The following SYTL3 variants were observed in gnomAD, a reference collection of about 807,000 sequenced individuals.
SYTL3 encodes synaptotagmin-like protein 3.
Under a neutral mutation model 82.1 loss-of-function variants are expected in SYTL3, and 88 were observed. That is an observed-to-expected ratio of 1.07 (90% CI 0.90 to 1.28). The LOEUF (loss-of-function observed/expected upper bound fraction) is 1.28. SYTL3 is among the 50% of genes most tolerant of loss of function. The probability of loss-of-function intolerance (pLI) is 0.00; values close to 1 mark genes in which losing one functional copy is unlikely to be tolerated. For missense variants in SYTL3, 831 were observed against 757.6 expected (o/e 1.10, Z -1.14); for synonymous variants, 311 against 289.4 (o/e 1.07, Z -0.76).
rs1221674261 is a variant in SYTL3, at chr6:158,725,587, C to T, written c.805C>T (p.Leu269Phe). 1.2e-6 allele frequency: 2 copies of T among 1,614,208 alleles called. No individual in the cohort carries two copies. Among genetic ancestry groups the T allele is most frequent in the Non-Finnish European group, 1.7e-6 (2 of 1,180,028 alleles). Residue 269 changes from leucine to phenylalanine, a missense_variant, in exon 11 of 18, where the codon CTC becomes TTC. Transcript: ENST00000611299. ...STNPILKQQN[L>F]PSSPAPSTIF... ...TAACCCTATTTTGAAGCAACAGAAT[C>T]TCCCATCCAGTCCGGCACCCAGTAC...
chr6:158,752,641 T>C (rs563114920), intron 13 of SYTL3, among the ~76,000 whole-genome samples: 12 of 152,222 alleles, frequency 7.9e-5, no homozygotes, highest in Non-Finnish European at 1.0e-4. Context: ...GTCTGGTATC[T>C]GCAGAGAGCT....
chr6:158,756,155 G>C (rs1789028202), intron 13 of SYTL3, among the ~76,000 whole-genome samples: 1 of 152,262 alleles, frequency 6.6e-6, no homozygotes, highest in African/African-American at 2.4e-5. Flanking sequence ...CCACACCTTG[G>C]GAAGGGCTGG....
At chr6:158,743,386 G>C (rs1482790845) in intron 11 of SYTL3, among the ~76,000 whole-genome samples, 3 of 152,170 alleles carry the variant, frequency 2.0e-5, no homozygotes, top group African/African-American at 7.2e-5. Flanking sequence ...CTTTCTAATT[G>C]TTCTCAGCAG....
chr6:158,704,804 C>G (rs1228594169), intron 6 of SYTL3, among the ~76,000 whole-genome samples: 1 of 152,228 alleles, frequency 6.6e-6, no homozygotes, highest in African/African-American at 2.4e-5. Context: ...GTTGCCACAA[C>G]CAGGGACAGA....
At chr6:158,739,703 C>T (rs1312299226) in intron 11 of SYTL3, among the ~76,000 whole-genome samples, 1 of 152,148 alleles carries the variant, frequency 6.6e-6, no homozygotes, top group Non-Finnish European at 1.5e-5. Context: ...TTAGCAGGAG[C>T]ACCCACTCAC....
At chr6:158,734,271 C>G (rs1192795196) in intron 11 of SYTL3, among the ~76,000 whole-genome samples, 1 of 152,024 alleles carries the variant, frequency 6.6e-6, no homozygotes, top group African/African-American at 2.4e-5. Flanking sequence ...CCTTCATAGA[C>G]AGCCAGTGGG....
chr6:158,692,134 T>C (rs1461633720), intron 6 of SYTL3, among the ~76,000 whole-genome samples: 3 of 147,822 alleles, frequency 2.0e-5, no homozygotes, highest in Admixed American at 1.3e-4. Context: ...GGCGGGCGCC[T>C]GTAGTCCCAG....
At chr6:158,758,759 TC>T (rs1298516757) in intron 14 of SYTL3, among the ~76,000 whole-genome samples, 1 of 151,958 alleles carries the variant, frequency 6.6e-6, no homozygotes, top group East Asian at 1.9e-4. Flanking sequence ...GCATCCCCTA[TC>T]CAAGGTCAGC....
At chr6:158,739,994 C>CTTTTTTTTT (rs35026438) in intron 11 of SYTL3, among the ~76,000 whole-genome samples, 51 of 105,554 alleles carry the variant, frequency 4.8e-4, no homozygotes, top group Non-Finnish European at 7.2e-4. Context: ...AGGCAACTTA[C>CTTTTTTTTT]TTTTTTTTTT....
At chr6:158,660,357 T>C (rs1168105364) in intron 2 of SYTL3, among the ~76,000 whole-genome samples, 1 of 152,186 alleles carries the variant, frequency 6.6e-6, no homozygotes, top group Non-Finnish European at 1.5e-5. Context: ...ACTGGATGAA[T>C]GGATCCAGGA....
At chr6:158,663,548 T>A (rs1789625150) in intron 4 of SYTL3, 170 bp downstream of exon 4, 1 of 985,250 alleles carries the variant, frequency 1.0e-6, no homozygotes, top group South Asian at 4.7e-5. Context: ...ATCCTCCTTA[T>A]GTAACTAAAC....
chr6:158,679,974 G>A lies in SYTL3; in HGVS notation c.330-2951G>A, dbSNP rs115642894. ...TGGATATTTTGGGCCCAGTGGTAAC[G>A]GGCTGGAGCATGTGAGAGAGGAGAT... is the stretch of plus-strand genomic sequence containing the variant. On this transcript the variant is annotated intron_variant, in intron 5 of 17. Coordinates refer to ENST00000611299, the MANE Select transcript of SYTL3 (RefSeq NM_001242394.2). Among the ~76,000 whole-genome samples, 1,327 of 152,260 alleles carry A rather than the reference G, an allele frequency of 8.7e-3. 24 individuals carry two copies. Among genetic ancestry groups the A allele is most frequent in the African/African-American group, 0.03 (1,235 of 41,534 alleles).
intron 6 of SYTL3, among the ~76,000 whole-genome samples, chr6:158,704,753 A>G (rs1781793772): frequency 2.0e-5 from 3 of 152,276 alleles, no homozygotes; most frequent in Admixed American, 2.0e-4. Flanking sequence ...CAGATTCTCT[A>G]AGAGGGATGT....
intron 12 of SYTL3, among the ~76,000 whole-genome samples, chr6:158,751,265 TG>T (rs567918871): frequency 4.0e-5 from 6 of 148,166 alleles, no homozygotes; most frequent in Non-Finnish European, 6.0e-5. Flanking sequence ...TGCTGCTGGT[TG>T]GGGGGTCATT....
At chr6:158,674,563 G>T (rs1777813351) in intron 5 of SYTL3, among the ~76,000 whole-genome samples, 1 of 152,216 alleles carries the variant, frequency 6.6e-6, no homozygotes, top group Non-Finnish European at 1.5e-5. Flanking sequence ...GAGAGCGTGT[G>T]CTCCTGCTTT....
chr6:158,760,357 G>A (rs983069197), intron 14 of SYTL3, among the ~76,000 whole-genome samples: 1 of 152,176 alleles, frequency 6.6e-6, no homozygotes, highest in African/African-American at 2.4e-5. Flanking sequence ...AAATGTCTTA[G>A]GGAGTGTGCA....
chr6:158,755,733 C>T (rs759261046), intron 13 of SYTL3, among the ~76,000 whole-genome samples: 2 of 152,228 alleles, frequency 1.3e-5, no homozygotes, highest in Non-Finnish European at 2.9e-5. Flanking sequence ...ACAAACCGCA[C>T]AGCTGCTGCA....
In SYTL3 at chr6:158,743,113, T is replaced by G. The variant is rs375291465; in HGVS notation, c.856-2367T>G. 2.9e-4 allele frequency among the ~76,000 whole-genome samples: 44 copies of G among 152,290 alleles called. No individual in the cohort carries two copies. In the East Asian group the frequency reaches 8.5e-3, roughly 29 times the overall value. Reference sequence around the variant, plus strand: ...CTTCTGAGTCTCTTTGCCATTTCATTTTGATTGACATCTTGGCCGTCCAGC... The same window carrying G: ...CTTCTGAGTCTCTTTGCCATTTCATGTTGATTGACATCTTGGCCGTCCAGC... On this transcript the variant is annotated intron_variant, in intron 11 of 17. Transcript: ENST00000611299.
At chr6:158,739,994 C>CTTTTTTTTTTTTTT (rs35026438) in intron 11 of SYTL3, among the ~76,000 whole-genome samples, 2 of 105,576 alleles carry the variant, frequency 1.9e-5, no homozygotes, top group Non-Finnish European at 3.7e-5. Flanking sequence ...AGGCAACTTA[C>CTTTTTTTTTTTTTT]TTTTTTTTTT....
Sources: allele counts gnomAD v4.1 joint callset (sites outside exome capture counted in the v4.1 genomes callset), GRCh38; gene constraint gnomAD v4.1.1; transcripts MANE v1.5; gene names NCBI Gene and HGNC (gene_info 2026-07-23, HGNC 2026-07-21).